Variants in TIAM1 observed in about 807,000 individuals in gnomAD.
TIAM1 encodes the protein rho guanine nucleotide exchange factor TIAM1.
TIAM1 carries 65 observed loss-of-function variants against 163.5 expected under a neutral mutation model. The observed-to-expected ratio is 0.40, with a 90% CI of 0.33 to 0.49. The LOEUF (loss-of-function observed/expected upper bound fraction) is 0.49. Among genes scored for constraint, TIAM1 ranks in the 20% least tolerant of loss-of-function variants. The pLI is 0.77. For missense variants in TIAM1, 1,789 were observed against 2,044.7 expected, an observed-to-expected ratio of 0.87 and a Z score of 2.41; for synonymous variants, 833 against 810.1, an observed-to-expected ratio of 1.03 and a Z score of -0.48.
At chr21:31,486,093 C>T (rs1434934746) in intron 1 of TIAM1, among the ~76,000 whole-genome samples, 4 of 152,198 alleles carry the variant, frequency 2.6e-5, no homozygotes, top group African/African-American at 9.7e-5. Context: ...CCCTCTTCCA[C>T]CTGAGGATTC....
intron 1 of TIAM1, among the ~76,000 whole-genome samples, chr21:31,501,856 G>A (rs2147448613): frequency 6.8e-6 from 1 of 147,674 alleles, no homozygotes; most frequent in East Asian, 2.0e-4. Flanking sequence ...GTCCACCTCG[G>A]CCTCCCAAAG....
At chr21:31,284,841 A>G (rs2073732027) in intron 2 of TIAM1, among the ~76,000 whole-genome samples, 1 of 152,080 alleles carries the variant, frequency 6.6e-6, no homozygotes, top group Admixed American at 6.6e-5. Flanking sequence ...TTCAGCCTTG[A>G]GCCAGCCTGG....
chr21:31,355,227 G>C (rs2076296342), intron 2 of TIAM1, among the ~76,000 whole-genome samples: 1 of 150,004 alleles, frequency 6.7e-6, no homozygotes, highest in Non-Finnish European at 1.5e-5. Flanking sequence ...CCGTCTGGTA[G>C]AAACACACAC....
intron 4 of TIAM1, among the ~76,000 whole-genome samples, chr21:31,254,921 A>C (rs1283629558): frequency 6.6e-6 from 1 of 152,202 alleles, no homozygotes; most frequent in African/African-American, 2.4e-5. Context: ...GTGTCTCATA[A>C]GAGTTCACTA....
intron 26 of TIAM1, among the ~76,000 whole-genome samples, chr21:31,126,396 G>A (rs949196866): frequency 2.0e-5 from 3 of 151,924 alleles, no homozygotes; most frequent in East Asian, 1.9e-4. Context: ...GTGAAACCCC[G>A]TCTCTATAAA....
rs1367760517 is a variant in TIAM1 at position 31,119,743 on chromosome 21, T to A, written c.*625A>T. 1.3e-5 allele frequency: 2 copies of A among 152,288 alleles called. No homozygotes were observed. Among genetic ancestry groups the A allele is most frequent in the African/African-American group, 4.8e-5 (2 of 41,370 alleles). 9.4% of individuals were successfully genotyped at this position (152,288 alleles called of 1,614,324 possible). ...TTCAAAGAGTTTGGCATCTCTATAA[T>A]TCTATGCAAAACTAGAGCTTCCGAA... On this transcript the variant is annotated 3_prime_UTR_variant, in exon 28 of 28. Transcript: ENST00000541036.
intron 25 of TIAM1, among the ~76,000 whole-genome samples, chr21:31,127,412 C>CTTTT (rs199978005): frequency 5.0e-5 from 7 of 140,734 alleles, no homozygotes; most frequent in Non-Finnish European, 4.7e-5. Flanking sequence ...ATGGACCGAA[C>CTTTT]TTTTTTTTTT....
intron 2 of TIAM1, among the ~76,000 whole-genome samples, chr21:31,423,090 C>CTTT (rs11356685): frequency 1.1e-4 from 6 of 54,574 alleles, no homozygotes; most frequent in Non-Finnish European, 1.8e-4. Flanking sequence ...ACAGCACTAT[C>CTTT]TTTTTTTTTT....
At chr21:31,401,660 T>C (rs2077166325) in intron 2 of TIAM1, among the ~76,000 whole-genome samples, 2 of 152,118 alleles carry the variant, frequency 1.3e-5, no homozygotes, top group Non-Finnish European at 2.9e-5. Flanking sequence ...ATTGGGCTCA[T>C]GCCTGTAATC....
At chr21:31,471,501 G>A (rs567042867) in intron 1 of TIAM1, among the ~76,000 whole-genome samples, 4 of 152,224 alleles carry the variant, frequency 2.6e-5, no homozygotes, top group South Asian at 4.1e-4. Context: ...GGGTGATCAC[G>A]GGTACAAACA....
At chr21:31,179,122 C>T (rs1280250197) in intron 15 of TIAM1, among the ~76,000 whole-genome samples, 2 of 151,878 alleles carry the variant, frequency 1.3e-5, no homozygotes, top group African/African-American at 4.8e-5. Flanking sequence ...CACAGTGGCT[C>T]ATTCCTGTAA....
intron 2 of TIAM1, among the ~76,000 whole-genome samples, chr21:31,461,213 G>A (rs1423228235): frequency 6.6e-6 from 1 of 152,188 alleles, no homozygotes; most frequent in Non-Finnish European, 1.5e-5. Flanking sequence ...GCCAGGTGCA[G>A]TGGCTCATAC....
intron 1 of TIAM1, among the ~76,000 whole-genome samples, chr21:31,476,491 G>C (rs1220538681): frequency 6.6e-6 from 1 of 152,224 alleles, no homozygotes; most frequent in Non-Finnish European, 1.5e-5. Flanking sequence ...CACTCATTTT[G>C]TGTGTACTTG....
intron 12 of TIAM1, among the ~76,000 whole-genome samples, chr21:31,197,262 A>T (rs951895457): frequency 1.1e-4 from 17 of 152,358 alleles, no homozygotes; most frequent in African/African-American, 2.4e-4. Flanking sequence ...TATTTAAAAA[A>T]TTTTTTAAAC....
intron 15 of TIAM1, among the ~76,000 whole-genome samples, chr21:31,177,274 T>C (rs1478195240): frequency 6.6e-6 from 1 of 152,174 alleles, no homozygotes; most frequent in Non-Finnish European, 1.5e-5. Flanking sequence ...GGATTAAGCA[T>C]GACCAGGTCA....
intron 2 of TIAM1, among the ~76,000 whole-genome samples, chr21:31,447,859 G>A (rs901081224): frequency 1.3e-5 from 2 of 152,192 alleles, no homozygotes; most frequent in Admixed American, 6.5e-5. Context: ...TGATTATGGA[G>A]GTTAACATAT....
At chr21:31,346,863 A>C (rs919077892), upstream of TIAM1, among the ~76,000 whole-genome samples, 11 of 152,090 alleles carry the variant, frequency 7.2e-5, no homozygotes, top group Non-Finnish European at 1.5e-4. Flanking sequence ...TGATTACCTA[A>C]GAAGGTTTCT....
In TIAM1 at chr21:31,281,103, A is replaced by C. The variant is rs1601812865; in HGVS notation, c.-188-4195T>G. ...CCTAACTCAAAAAAAAAAAAAAAAAAAAAAACAACGACAAAAAAACACACT... is the reference window on the plus strand; with the variant it reads ...CCTAACTCAAAAAAAAAAAAAAAAACAAAAACAACGACAAAAAAACACACT... On this transcript the variant is annotated intron_variant, in intron 2 of 27. Coordinates refer to ENST00000541036, the MANE Select transcript of TIAM1 (RefSeq NM_001353694.2). 3.3e-5 allele frequency among the ~76,000 whole-genome samples: 5 copies of C among 151,566 alleles called. No individual in the cohort carries two copies. In the East Asian group the frequency reaches 9.7e-4, roughly 29 times the overall value.
intron 14 of TIAM1, among the ~76,000 whole-genome samples, chr21:31,183,032 T>A (rs2085111285): frequency 6.6e-6 from 1 of 152,196 alleles, no homozygotes; most frequent in African/African-American, 2.4e-5. Context: ...GTTTTGTACA[T>A]GTTCATGCCT....
Sources: gnomAD v4.1 joint callset for allele counts (sites outside exome capture counted in the v4.1 genomes callset) on GRCh38, gnomAD v4.1.1 for gene constraint, MANE v1.5 for transcripts, NCBI Gene and HGNC (gene_info 2026-07-23, HGNC 2026-07-21) for gene names.